RGS7: variants seen among roughly 807,000 people sequenced by gnomAD.
RGS7 encodes the protein regulator of G-protein signaling 7.
A neutral mutation model predicts 81.1 loss-of-function variants in RGS7; 27 were observed. That is an observed-to-expected ratio of 0.33 (90% confidence interval 0.25 to 0.46). The LOEUF (loss-of-function observed/expected upper bound fraction) is 0.46, where lower values mean the gene tolerates loss of function less well. Among genes scored for constraint, RGS7 ranks in the 20% least tolerant of loss-of-function variants. RGS7 has a pLI of 1.00. For synonymous variants in RGS7, 208 were observed against 207.7 expected, an observed-to-expected ratio of 1.00 and a Z score of -0.01; for missense variants, 396 against 607.4, an observed-to-expected ratio of 0.65 and a Z score of 3.66.
chr1:241,138,171 C>CAA (rs1371688780), intron 2 of RGS7, among the ~76,000 whole-genome samples: 46 of 56,450 alleles, frequency 8.1e-4, no homozygotes, highest in African/African-American at 6.6e-3. Flanking sequence ...GACTCCATCT[C>CAA]AAAAACAAAA....
chr1:241,301,197 C>T (rs2079733158), intron 2 of RGS7, among the ~76,000 whole-genome samples: 1 of 152,196 alleles, frequency 6.6e-6, no homozygotes, highest in African/African-American at 2.4e-5. Context: ...TGCAGAGCTA[C>T]TATTCCTGGG....
intron 2 of RGS7, among the ~76,000 whole-genome samples, chr1:241,245,725 T>C (rs934372335): frequency 6.6e-6 from 1 of 151,874 alleles, no homozygotes; most frequent in African/African-American, 2.4e-5. Flanking sequence ...GAGAATTACT[T>C]GAATCTGGGA....
chr1:241,311,122 T>C (rs993002451), intron 2 of RGS7, among the ~76,000 whole-genome samples: 2 of 152,210 alleles, frequency 1.3e-5, no homozygotes, highest in Admixed American at 6.5e-5. Flanking sequence ...AAACTATAGG[T>C]TGAAAAGCAT....
intron 2 of RGS7, among the ~76,000 whole-genome samples, chr1:241,285,074 A>G (rs2078734867): frequency 6.6e-6 from 1 of 151,678 alleles, no homozygotes; most frequent in African/African-American, 2.4e-5. Context: ...GTTTCACCAT[A>G]TTTGCCAGGA....
At chr1:241,084,145 T>C (rs964428535) in intron 3 of RGS7, among the ~76,000 whole-genome samples, 2 of 152,344 alleles carry the variant, frequency 1.3e-5, no homozygotes, top group South Asian at 2.1e-4. Flanking sequence ...CCTTCTTACA[T>C]GTACGACTGC....
At chr1:241,137,248 G>C (rs1013450094) in intron 2 of RGS7, among the ~76,000 whole-genome samples, 2 of 151,382 alleles carry the variant, frequency 1.3e-5, no homozygotes, top group African/African-American at 4.9e-5. Flanking sequence ...TGAGCTCCTT[G>C]AGGGAAATTT....
At chr1:240,782,883 G>A (rs185039436) in intron 18 of RGS7, among the ~76,000 whole-genome samples, 3 of 152,176 alleles carry the variant, frequency 2.0e-5, no homozygotes, top group Non-Finnish European at 4.4e-5. Flanking sequence ...TGTGTTATGT[G>A]ATTTAAACTC....
intron 14 of RGS7, among the ~76,000 whole-genome samples, chr1:240,808,063 T>C (rs1309662298): frequency 6.9e-6 from 1 of 145,336 alleles, no homozygotes. Flanking sequence ...AAGGGAATAC[T>C]ACGCATAATC....
intron 2 of RGS7, among the ~76,000 whole-genome samples, chr1:241,316,241 T>C (rs1166547358): frequency 6.6e-6 from 1 of 152,158 alleles, no homozygotes; most frequent in Non-Finnish European, 1.5e-5. Context: ...TTCACCTCTC[T>C]CTGAACCCAG....
chr1:241,115,495 A>G (rs1450563011), intron 2 of RGS7, among the ~76,000 whole-genome samples: 2 of 152,168 alleles, frequency 1.3e-5, no homozygotes, highest in African/African-American at 4.8e-5. Context: ...CCACTCGTCC[A>G]GCTTTGTGGG....
At chr1:241,343,913 T>C (rs1285641882) in intron 2 of RGS7, among the ~76,000 whole-genome samples, 2 of 152,192 alleles carry the variant, frequency 1.3e-5, no homozygotes, top group African/African-American at 4.8e-5. Flanking sequence ...AAGACTTCTT[T>C]GTGTAAATAT....
At chr1:240,968,742 A>C (rs928723979) in intron 4 of RGS7, among the ~76,000 whole-genome samples, 1 of 152,134 alleles carries the variant, frequency 6.6e-6, no homozygotes, top group Non-Finnish European at 1.5e-5. Flanking sequence ...GAAGAGATGG[A>C]TATGTTCCTA....
intron 2 of RGS7, among the ~76,000 whole-genome samples, chr1:241,172,934 A>G (rs2070835049): frequency 6.6e-6 from 1 of 152,182 alleles, no homozygotes; most frequent in South Asian, 2.1e-4. Flanking sequence ...TTTCTCTCAA[A>G]TTTTTGCAAC....
At chr1:240,791,898 T>C (rs1686075264) in intron 18 of RGS7, among the ~76,000 whole-genome samples, 1 of 152,226 alleles carries the variant, frequency 6.6e-6, no homozygotes, top group South Asian at 2.1e-4. Flanking sequence ...TCTGCTTAAC[T>C]CTTTTTCATT....
chr1:240,932,178 C>A (rs1411594812), intron 5 of RGS7, among the ~76,000 whole-genome samples: 1 of 152,034 alleles, frequency 6.6e-6, no homozygotes, highest in African/African-American at 2.4e-5. Flanking sequence ...GTCTCAGAGG[C>A]CCCCCCGACT....
At chr1:241,284,700 T>C (rs1339146320) in intron 2 of RGS7, among the ~76,000 whole-genome samples, 2 of 152,160 alleles carry the variant, frequency 1.3e-5, no homozygotes, top group Non-Finnish European at 2.9e-5. Context: ...GACATCACCC[T>C]AGTGAGAGTG....
chr1:240,999,932 G>A lies in RGS7; in HGVS notation c.176-16803C>T, dbSNP rs989460711. ...GAATGTTTTTTAAAATTGAAAGCTG[G>A]ACATCTTTGTATTTTGTTATGCGAT... is the stretch of plus-strand genomic sequence containing the variant. On this transcript the variant is annotated intron_variant, in intron 3 of 18. Transcript: ENST00000440928. 5.3e-5 allele frequency among the ~76,000 whole-genome samples: 8 copies of A among 152,182 alleles called. 1 individual carries two copies. Among genetic ancestry groups the A allele is most frequent in the Admixed American group, 1.3e-4 (2 of 15,288 alleles).
chr1:240,997,204 T>C (rs1418672560), intron 3 of RGS7, among the ~76,000 whole-genome samples: 1 of 152,160 alleles, frequency 6.6e-6, no homozygotes, highest in Non-Finnish European at 1.5e-5. Flanking sequence ...CTCAAACTCC[T>C]GGGCTCAAGT....
chr1:240,811,869 T>C, intron 14 of RGS7, 49 bp downstream of exon 14: 1 of 1,507,214 alleles, frequency 6.6e-7, no homozygotes, highest in Non-Finnish European at 9.2e-7. Context: ...ACCAGACACA[T>C]CACAGACAGT....
Sources: allele counts gnomAD v4.1 joint callset (sites outside exome capture counted in the v4.1 genomes callset), GRCh38; gene constraint gnomAD v4.1.1; transcripts MANE v1.5; gene names NCBI Gene and HGNC (gene_info 2026-07-23, HGNC 2026-07-21).